Variants in TENM2 observed in about 807,000 individuals in gnomAD.
The protein encoded by TENM2 is teneurin transmembrane protein 2.
TENM2 carries 52 observed loss-of-function variants against 245.2 expected under a neutral mutation model. The ratio of observed to expected loss-of-function variants is 0.21; its 90% confidence interval spans 0.17 to 0.27. The LOEUF (loss-of-function observed/expected upper bound fraction) is 0.27. Among genes scored for constraint, TENM2 ranks in the 10% least tolerant of loss-of-function variants. The probability of loss-of-function intolerance (pLI) is 1.00; values close to 1 mark genes in which losing one functional copy is unlikely to be tolerated. For synonymous variants in TENM2, 1,363 were observed against 1,438.9 expected, an observed-to-expected ratio of 0.95 and a Z score of 1.19; for missense variants, 3,046 against 3,666.8, an observed-to-expected ratio of 0.83 and a Z score of 4.37.
Position 168,144,838 on chromosome 5 carries a change from C to T in TENM2, c.2423-17773C>T, listed in dbSNP as rs1442066916. ...CTATTTCTCCACATCCTCTCCAGCA[C>T]CTGTTGTTTCCTGACTTTTTAATGA... On this transcript the variant is annotated intron_variant, in intron 12 of 28. Transcript: ENST00000518659. 5.3e-3 allele frequency among the ~76,000 whole-genome samples: 803 copies of T among 151,278 alleles called. 7 individuals are homozygous for T. The highest frequency in any genetic ancestry group is 0.019 in the African/African-American group (780 of 41,440).
At chr5:167,950,906 T>G (rs1780042669) in intron 3 of TENM2, among the ~76,000 whole-genome samples, 1 of 152,248 alleles carries the variant, frequency 6.6e-6, no homozygotes, top group South Asian at 2.1e-4. Context: ...GGACATGATT[T>G]AAAATCTATA....
chr5:167,640,874 T>TATATATATATATATATATCC (rs1779539200), intron 2 of TENM2, among the ~76,000 whole-genome samples: 1 of 53,014 alleles, frequency 1.9e-5, no homozygotes. Flanking sequence ...TATATATATA[T>TATATATATATATATATATCC]ATATATATAT....
intron 1 of TENM2, among the ~76,000 whole-genome samples, chr5:167,285,828 G>A (rs73803141): frequency 1.3e-5 from 2 of 152,164 alleles, no homozygotes; most frequent in Admixed American, 6.5e-5. Context: ...AAACTGTACC[G>A]AATGCCTCGG....
At chr5:167,935,946 C>T (rs187661793) in intron 3 of TENM2, among the ~76,000 whole-genome samples, 172 of 152,136 alleles carry the variant, frequency 1.1e-3, no homozygotes, top group African/African-American at 4.0e-3. Context: ...AATATGTTGC[C>T]GAGCTGTGAG....
intron 2 of TENM2, among the ~76,000 whole-genome samples, chr5:167,495,344 T>TC (rs1768744226): frequency 1.3e-5 from 2 of 152,062 alleles, no homozygotes; most frequent in Admixed American, 6.6e-5. Context: ...TTGAAAATTC[T>TC]TTGGGGCTGT....
chr5:167,384,609 A>T (rs1460377080), intron 2 of TENM2, among the ~76,000 whole-genome samples: 1 of 152,236 alleles, frequency 6.6e-6, no homozygotes, highest in African/African-American at 2.4e-5. Flanking sequence ...CAAGCAGATA[A>T]TACAGAACTA....
chr5:167,879,510 C>A lies in TENM2; in HGVS notation c.712+3315C>A, dbSNP rs183323743. Among the ~76,000 whole-genome samples the A allele has an allele frequency of 2.0e-4, 31 of 152,206 alleles. No homozygotes were observed. The East Asian group carries it at 5.8e-3, about 29-fold the overall frequency. On this transcript the variant is annotated intron_variant, in intron 3 of 28. Coordinates refer to ENST00000518659, the Ensembl canonical transcript of TENM2. ...TCATCTGGAAAAAAAATCTAGATCC[C>A]AGCAGCAGCATAATGGAGGCCCCTG... is the stretch of plus-strand genomic sequence containing the variant.
At chr5:167,275,501 C>A in the TENM2 span, among the ~76,000 whole-genome samples, 1 of 151,980 alleles carries the variant, frequency 6.6e-6, no homozygotes, top group Non-Finnish European at 1.5e-5. Context: ...CACAATATGT[C>A]TCTCCATTTA....
intron 5 of TENM2, among the ~76,000 whole-genome samples, chr5:168,037,085 A>C (rs763036571): frequency 3.2e-4 from 48 of 152,208 alleles, no homozygotes; most frequent in Non-Finnish European, 5.7e-4. Context: ...ATCAAGTTTT[A>C]AATGTTTCAG....
intron 2 of TENM2, among the ~76,000 whole-genome samples, chr5:167,413,206 A>G (rs991741911): frequency 2.0e-5 from 3 of 152,130 alleles, no homozygotes; most frequent in African/African-American, 7.2e-5. Flanking sequence ...AAATTGTTCT[A>G]TGTGAGCATC....
Position 167,495,878 on chromosome 5 carries a change from A to G in TENM2, c.502+120405A>G, listed in dbSNP as rs1768781526. On this transcript the variant is annotated intron_variant, in intron 2 of 28. Coordinates refer to ENST00000518659, the Ensembl canonical transcript of TENM2. ...TATAAAATATTTTGCAGCTCAAGAA[A>G]TTATGTCATTGGTTAAAAACTGATT... Among the ~76,000 whole-genome samples the G allele has an allele frequency of 2.0e-5, 3 of 152,242 alleles. No homozygotes were observed. The South Asian group carries it at 6.2e-4, about 32-fold the overall frequency.
At chr5:167,872,505 AAAG>A (rs1485822549) in intron 2 of TENM2, among the ~76,000 whole-genome samples, 12 of 12,336 alleles carry the variant, frequency 9.7e-4, no homozygotes, top group African/African-American at 1.3e-3. Flanking sequence ...AGAAAGAAAG[AAAG>A]AAAGAAAGAA....
exon 5 of TENM2, chr5:167,993,137 A>T (rs759409198): frequency 6.2e-7 from 1 of 1,613,990 alleles, no homozygotes; most frequent in South Asian, 1.1e-5. Flanking sequence ...CCTCTCCGCC[A>T]TTGCCGCGGC....
chr5:167,655,092 G>T (rs1582664498), intron 2 of TENM2, among the ~76,000 whole-genome samples: 1 of 152,116 alleles, frequency 6.6e-6, no homozygotes, highest in Non-Finnish European at 1.5e-5. Flanking sequence ...GCCACATCTT[G>T]TTTGCGCTAG....
In TENM2 at chr5:168,189,836, G is replaced by A. The variant is rs550872083; in HGVS notation, c.2570-501G>A. On this transcript the variant is annotated intron_variant, in intron 13 of 28. Transcript: ENST00000518659. ...TTGCCCAGGTTGGTCTCGAATTCCT[G>A]GGCTCAAGTGATCCTTCTGCTTCAG... is the stretch of plus-strand genomic sequence containing the variant. 2.0e-5 allele frequency among the ~76,000 whole-genome samples: 3 copies of A among 152,158 alleles called. No homozygotes were observed. The South Asian group carries it at 6.2e-4, about 32-fold the overall frequency.
At chr5:168,170,097 T>C (rs974481268) in intron 13 of TENM2, among the ~76,000 whole-genome samples, 14 of 152,350 alleles carry the variant, frequency 9.2e-5, no homozygotes, top group African/African-American at 3.1e-4. Context: ...TTCTGGCTCT[T>C]CCAGTTGAAA....
At chr5:167,933,036 A>G (rs1042731515) in intron 3 of TENM2, among the ~76,000 whole-genome samples, 11 of 152,180 alleles carry the variant, frequency 7.2e-5, no homozygotes, top group African/African-American at 2.7e-4. Flanking sequence ...CCAATTTTAT[A>G]TTCCACCTGG....
chr5:168,207,532 G>C (rs139576964), intron 19 of TENM2, among the ~76,000 whole-genome samples: 1 of 152,268 alleles, frequency 6.6e-6, no homozygotes, highest in South Asian at 2.1e-4. Flanking sequence ...GAGCCGATTA[G>C]AAGTTAAGCT....
At chr5:167,819,037 G>A (rs1255817805) in intron 2 of TENM2, among the ~76,000 whole-genome samples, 3 of 151,446 alleles carry the variant, frequency 2.0e-5, no homozygotes, top group African/African-American at 2.4e-5. Flanking sequence ...TAGCTGGGTT[G>A]TATCATTGTG....
Sources: gnomAD v4.1 joint callset for allele counts (sites outside exome capture counted in the v4.1 genomes callset) on GRCh38, gnomAD v4.1.1 for gene constraint, MANE v1.5 for transcripts, NCBI Gene and HGNC (gene_info 2026-07-23, HGNC 2026-07-21) for gene names.